Variants in HS6ST3 observed in about 807,000 individuals in gnomAD.
The protein encoded by HS6ST3 is heparan-sulfate 6-O-sulfotransferase 3.
HS6ST3 carries 12 observed loss-of-function variants against 36.7 expected under a neutral mutation model. The ratio of observed to expected loss-of-function variants is 0.33; its 90% CI spans 0.21 to 0.53. The LOEUF (loss-of-function observed/expected upper bound fraction) is 0.53. HS6ST3 is among the 20% of genes least tolerant of loss of function. HS6ST3 has a pLI of 0.95. For synonymous variants in HS6ST3, 240 were observed against 257.5 expected (o/e 0.93, Z 0.65); for missense variants, 584 against 640.9 (o/e 0.91, Z 0.96).
chr13:96,379,605 C>T (rs1217791466), intron 1 of HS6ST3, among the ~76,000 whole-genome samples: 3 of 152,188 alleles, frequency 2.0e-5, no homozygotes, highest in Non-Finnish European at 4.4e-5. Flanking sequence ...TTTACATTTT[C>T]TGAAGCAGTA....
chr13:96,289,137 G>A (rs1167949510), intron 1 of HS6ST3, among the ~76,000 whole-genome samples: 1 of 151,936 alleles, frequency 6.6e-6, no homozygotes, highest in African/African-American at 2.4e-5. Context: ...AAAAATTATT[G>A]AAGGATATAA....
At chr13:96,783,864 A>G (rs1003149292) in intron 1 of HS6ST3, among the ~76,000 whole-genome samples, 2 of 152,102 alleles carry the variant, frequency 1.3e-5, no homozygotes, top group Admixed American at 6.6e-5. Context: ...TAAAACCATT[A>G]TATTTGGTGT....
intron 1 of HS6ST3, among the ~76,000 whole-genome samples, chr13:96,293,003 C>G (rs2054837642): frequency 6.6e-6 from 1 of 151,950 alleles, no homozygotes; most frequent in South Asian, 2.1e-4. Flanking sequence ...TCTGGTTTCT[C>G]TTTAGAAATG....
intron 1 of HS6ST3, among the ~76,000 whole-genome samples, chr13:96,612,658 C>A (rs1291193407): frequency 6.6e-6 from 1 of 152,136 alleles, no homozygotes; most frequent in Admixed American, 6.5e-5. Context: ...AACTACATGG[C>A]TCAAATTCTT....
chr13:96,097,866 G>A (rs189053809), intron 1 of HS6ST3, among the ~76,000 whole-genome samples: 16 of 152,230 alleles, frequency 1.1e-4, no homozygotes, highest in African/African-American at 3.1e-4. Flanking sequence ...AATAAATGTC[G>A]GCTTTTAGAT....
intron 1 of HS6ST3, among the ~76,000 whole-genome samples, chr13:96,325,068 C>T (rs1416166655): frequency 6.6e-6 from 1 of 152,164 alleles, no homozygotes; most frequent in African/African-American, 2.4e-5. Context: ...CACTTACTCA[C>T]CAGTAAAACC....
chr13:96,406,583 A>T (rs1472057281), intron 1 of HS6ST3, among the ~76,000 whole-genome samples: 2 of 152,252 alleles, frequency 1.3e-5, no homozygotes, highest in African/African-American at 4.8e-5. Context: ...ACAGCAAGGT[A>T]GGAATTGCGC....
intron 1 of HS6ST3, among the ~76,000 whole-genome samples, chr13:96,128,959 C>T (rs974975362): frequency 2.0e-5 from 3 of 151,886 alleles, no homozygotes; most frequent in Non-Finnish European, 2.9e-5. Flanking sequence ...GATTCTCCTG[C>T]GTCAGCCTCC....
At chr13:96,131,449 G>A (rs558204275) in intron 1 of HS6ST3, among the ~76,000 whole-genome samples, 1 of 152,180 alleles carries the variant, frequency 6.6e-6, no homozygotes, top group African/African-American at 2.4e-5. Context: ...ACAATTGTAT[G>A]TATTTATGAT....
chr13:96,319,324 C>T (rs977265870), intron 1 of HS6ST3, among the ~76,000 whole-genome samples: 18 of 152,280 alleles, frequency 1.2e-4, no homozygotes, highest in East Asian at 1.9e-4. Context: ...TAGCTTATAA[C>T]GGCACTTCAT....
intron 1 of HS6ST3, among the ~76,000 whole-genome samples, chr13:96,282,242 C>T (rs929552154): frequency 1.4e-4 from 22 of 152,194 alleles, no homozygotes; most frequent in African/African-American, 2.4e-4. Flanking sequence ...CTTCTGGAGT[C>T]GGTATCCCAT....
intron 1 of HS6ST3, among the ~76,000 whole-genome samples, chr13:96,566,795 G>A (rs189503607): frequency 6.6e-6 from 1 of 152,136 alleles, no homozygotes; most frequent in Non-Finnish European, 1.5e-5. Flanking sequence ...TTGTGACTGA[G>A]TTAAGGGTTC....
chr13:96,798,011 C>T (rs534290706), intron 1 of HS6ST3, among the ~76,000 whole-genome samples: 1 of 152,204 alleles, frequency 6.6e-6, no homozygotes, highest in South Asian at 2.1e-4. Flanking sequence ...GTTGGTTTAC[C>T]TGTGCTTCTG....
At chr13:96,586,866 AG>A (rs562076276) in intron 1 of HS6ST3, among the ~76,000 whole-genome samples, 76 of 152,296 alleles carry the variant, frequency 5.0e-4, no homozygotes, top group Admixed American at 4.4e-3. Context: ...ATATTTAAAA[AG>A]TCATTGCCCA....
At chr13:96,161,559 C>G (rs1009694991) in intron 1 of HS6ST3, among the ~76,000 whole-genome samples, 3 of 152,174 alleles carry the variant, frequency 2.0e-5, no homozygotes, top group African/African-American at 7.2e-5. Context: ...ACATATTTTA[C>G]TACTCTTTAG....
intron 1 of HS6ST3, among the ~76,000 whole-genome samples, chr13:96,301,699 C>T (rs927525271): frequency 6.6e-6 from 1 of 152,126 alleles, no homozygotes; most frequent in African/African-American, 2.4e-5. Flanking sequence ...CATGACTAGC[C>T]TGGCCAACAT....
chr13:96,590,751 A>G (rs1739347803), intron 1 of HS6ST3, among the ~76,000 whole-genome samples: 1 of 152,124 alleles, frequency 6.6e-6, no homozygotes, highest in Non-Finnish European at 1.5e-5. Context: ...GGTATTACTC[A>G]AGAAATCTTT....
chr13:96,107,090 C>T (rs774067342), intron 1 of HS6ST3, among the ~76,000 whole-genome samples: 1 of 152,082 alleles, frequency 6.6e-6, no homozygotes, highest in Non-Finnish European at 1.5e-5. Flanking sequence ...ATTTTAGTGC[C>T]AGATCTTGTC....
At chr13:96,495,427 C>T (rs186871607) in intron 1 of HS6ST3, among the ~76,000 whole-genome samples, 1 of 152,254 alleles carries the variant, frequency 6.6e-6, no homozygotes, top group Non-Finnish European at 1.5e-5. Flanking sequence ...CATCATTACC[C>T]CCTTAGAATT....
Sources: gnomAD v4.1 joint callset for allele counts (sites outside exome capture counted in the v4.1 genomes callset) on GRCh38, gnomAD v4.1.1 for gene constraint, MANE v1.5 for transcripts, NCBI Gene and HGNC (gene_info 2026-07-23, HGNC 2026-07-21) for gene names.